Variants in SHISA9 observed in about 807,000 individuals in gnomAD.
The protein encoded by SHISA9 is shisa family member 9, also known as protein shisa-9.
A neutral mutation model predicts 38.0 loss-of-function variants in SHISA9; 13 were observed. The observed-to-expected ratio is 0.34, with a 90% CI of 0.22 to 0.54. The LOEUF is 0.54. Ranked by LOEUF, SHISA9 falls within the 20% of genes least tolerant of loss-of-function variation. The probability of loss-of-function intolerance (pLI) is 0.91; values close to 1 mark genes in which losing one functional copy is unlikely to be tolerated. For synonymous variants in SHISA9, 275 were observed against 242.0 expected, an observed-to-expected ratio of 1.14 and a Z score of -1.27; for missense variants, 538 against 575.8, an observed-to-expected ratio of 0.93 and a Z score of 0.67.
At chr16:13,341,425 G>T in the SHISA9 span, among the ~76,000 whole-genome samples, 1 of 151,994 alleles carries the variant, frequency 6.6e-6, no homozygotes, top group Non-Finnish European at 1.5e-5. Context: ...CTTTCATGCT[G>T]CTGTAAGGAG....
At chr16:13,093,554 G>T (rs1344247301) in intron 2 of SHISA9, among the ~76,000 whole-genome samples, 3 of 152,162 alleles carry the variant, frequency 2.0e-5, no homozygotes, top group African/African-American at 7.2e-5. Context: ...GCATATGAGA[G>T]GTGGGGGGAG....
At chr16:13,250,558 CT>C in the SHISA9 span, among the ~76,000 whole-genome samples, 1 of 152,256 alleles carries the variant, frequency 6.6e-6, no homozygotes, top group East Asian at 1.9e-4. Context: ...TTTTTTAGGA[CT>C]CCTCTGACGC....
At chr16:13,525,407 T>C in the SHISA9 span, among the ~76,000 whole-genome samples, 3 of 152,132 alleles carry the variant, frequency 2.0e-5, no homozygotes, top group Non-Finnish European at 4.4e-5. Flanking sequence ...GACATGAATT[T>C]AAGCCCATAA....
intron 2 of SHISA9, among the ~76,000 whole-genome samples, chr16:12,921,646 C>T (rs2071330363): frequency 6.6e-6 from 1 of 152,020 alleles, no homozygotes; most frequent in African/African-American, 2.4e-5. Flanking sequence ...TAGTTCACAC[C>T]AGTAGTGACA....
chr16:13,072,258 A>T (rs534086030), intron 2 of SHISA9, among the ~76,000 whole-genome samples: 5 of 152,214 alleles, frequency 3.3e-5, no homozygotes, highest in African/African-American at 1.2e-4. Context: ...AGCCTGCCGG[A>T]TCAAAGTTAA....
chr16:13,528,055 C>T, the SHISA9 span, among the ~76,000 whole-genome samples: 1 of 152,084 alleles, frequency 6.6e-6, no homozygotes, highest in African/African-American at 2.4e-5. Context: ...TTTCATGTGG[C>T]TGTTGGGAAA....
At chr16:13,194,865 C>T (rs2050921973) in intron 2 of SHISA9, among the ~76,000 whole-genome samples, 1 of 152,098 alleles carries the variant, frequency 6.6e-6, no homozygotes, top group South Asian at 2.1e-4. Flanking sequence ...GAACAAGTAA[C>T]AAATGGATGG....
chr16:13,014,635 T>C (rs2072719399), intron 2 of SHISA9, among the ~76,000 whole-genome samples: 1 of 151,792 alleles, frequency 6.6e-6, no homozygotes, highest in African/African-American at 2.4e-5. Context: ...CTCGGGTTAC[T>C]GCTTTGCACC....
At chr16:13,041,925 C>T (rs1383520409) in intron 2 of SHISA9, among the ~76,000 whole-genome samples, 1 of 152,234 alleles carries the variant, frequency 6.6e-6, no homozygotes, top group Non-Finnish European at 1.5e-5. Context: ...ACCATCGAAT[C>T]ATCAAAGTCT....
the SHISA9 span, among the ~76,000 whole-genome samples, chr16:13,272,091 A>C: frequency 1.2e-5 from 1 of 81,076 alleles, no homozygotes; most frequent in Non-Finnish European, 3.2e-5. Context: ...AAAAAAAAAA[A>C]AGAGAGAGAG....
chr16:13,187,809 T>A (rs2050842500), intron 2 of SHISA9, among the ~76,000 whole-genome samples: 2 of 152,104 alleles, frequency 1.3e-5, no homozygotes, highest in Non-Finnish European at 2.9e-5. Flanking sequence ...GTGGACAAAA[T>A]GTACAAGGTT....
the SHISA9 span, among the ~76,000 whole-genome samples, chr16:13,497,270 G>T: frequency 6.6e-6 from 1 of 152,062 alleles, no homozygotes; most frequent in Non-Finnish European, 1.5e-5. Context: ...TATTTATGGG[G>T]TACAGTGTGA....
At chr16:13,045,460 A>G (rs2141892843) in intron 2 of SHISA9, among the ~76,000 whole-genome samples, 1 of 152,278 alleles carries the variant, frequency 6.6e-6, no homozygotes, top group East Asian at 1.9e-4. Context: ...AGTAGTACAG[A>G]TAGGTTCATG....
intron 2 of SHISA9, among the ~76,000 whole-genome samples, chr16:13,136,307 C>G (rs1356453951): frequency 2.0e-5 from 3 of 151,508 alleles, no homozygotes; most frequent in African/African-American, 7.3e-5. Flanking sequence ...AATTTCTTGC[C>G]AAAGTGCATG....
chr16:13,319,514 T>G, the SHISA9 span, among the ~76,000 whole-genome samples: 2 of 151,916 alleles, frequency 1.3e-5, no homozygotes, highest in African/African-American at 2.4e-5. Flanking sequence ...TCTTTCCCCC[T>G]GCTTGACATA....
At chr16:13,248,729 C>T in the SHISA9 span, among the ~76,000 whole-genome samples, 1 of 152,138 alleles carries the variant, frequency 6.6e-6, no homozygotes, top group African/African-American at 2.4e-5. Flanking sequence ...AATGTGGTAC[C>T]TTGGTTTTTC....
At chr16:13,425,373 G>C in the SHISA9 span, among the ~76,000 whole-genome samples, 2 of 152,208 alleles carry the variant, frequency 1.3e-5, no homozygotes, top group African/African-American at 4.8e-5. Flanking sequence ...TGTAGTCCTG[G>C]CTACTCAGAA....
chr16:12,909,069 T>C lies in SHISA9; in HGVS notation c.563+6442T>C, dbSNP rs113851507. ...TCATCTTTCTATGCATTTGTGGTTA[T>C]CCTAAGGCTTTGACCAGCTTCCCAG... On this transcript the variant is annotated intron_variant, in intron 1 of 4. Coordinates refer to ENST00000558583, the MANE Select transcript of SHISA9 (RefSeq NM_001145204.3). 1.8e-3 allele frequency: 1,744 copies of C among 991,876 alleles called. 27 individuals are homozygous for C. In the African/African-American group the frequency reaches 0.028, roughly 16 times the overall value. The allele number at this position is 991,876 out of a possible 1,614,324, so 61.4% of individuals were successfully genotyped here. A position where few individuals can be genotyped will look rare whatever the true frequency, so the allele number is the denominator to read the frequency against.
At chr16:13,448,944 C>T in the SHISA9 span, among the ~76,000 whole-genome samples, 1 of 152,146 alleles carries the variant, frequency 6.6e-6, no homozygotes, top group African/African-American at 2.4e-5. Context: ...AATTTTTTAG[C>T]CCAGTACTGT....
Sources: gnomAD v4.1 joint callset for allele counts (sites outside exome capture counted in the v4.1 genomes callset) on GRCh38, gnomAD v4.1.1 for gene constraint, MANE v1.5 for transcripts, NCBI Gene and HGNC (gene_info 2026-07-23, HGNC 2026-07-21) for gene names.